COL11A2: variants seen among roughly 807,000 people sequenced by gnomAD.
The protein encoded by COL11A2 is collagen type XI alpha 2 chain.
Under a neutral mutation model 273.4 loss-of-function variants are expected in COL11A2, and 116 were observed. The ratio of observed to expected loss-of-function variants is 0.42; its 90% CI spans 0.36 to 0.49. The LOEUF is 0.49. Among genes scored for constraint, COL11A2 ranks in the 20% least tolerant of loss-of-function variants. The pLI is 0.00. For missense variants in COL11A2, 1,866 were observed against 2,309.0 expected, an observed-to-expected ratio of 0.81 and a Z score of 3.93; for synonymous variants, 782 against 864.2, an observed-to-expected ratio of 0.90 and a Z score of 1.67.
In COL11A2 at chr6:33,170,613, G is replaced by A. The variant is rs1286777013; in HGVS notation, c.3475-3C>T. ...TCCCCAGAGGGGCCTGGCAAACCCT[G>A]TGCAAGTATACAAAACATGGGCCCA... On this transcript the variant is annotated splice_polypyrimidine_tract_variant and splice_region_variant and intron_variant, in intron 46 of 65. Coordinates refer to ENST00000341947, the MANE Select transcript of COL11A2 (RefSeq NM_080680.3). This position sits in a 1 kb window ranked among gnomAD's most constrained non-coding sequence, Gnocchi z 4.3. 1.2e-6 allele frequency: 2 copies of A among 1,612,376 alleles called. No homozygotes were observed. Among genetic ancestry groups the A allele is most frequent in the African/African-American group, 1.3e-5 (1 of 74,816 alleles).
rs541262065 is a variant in COL11A2 at position 33,189,198 on chromosome 6, G to A, written c.233-10C>T. ...TCTTTGGGAAATCCTCCTAGTAACC[G>A]AGAGAGATACACACAGAGTGAGAGG... is the stretch of plus-strand genomic sequence containing the variant. On this transcript the variant is annotated splice_polypyrimidine_tract_variant and intron_variant, in intron 2 of 65. Transcript: ENST00000341947. The surrounding 1 kb of genome is among the most constrained non-coding windows in gnomAD (Gnocchi z 5.6). 11 of 1,613,476 alleles carry A rather than the reference G, an allele frequency of 6.8e-6. No homozygotes were observed. The highest frequency in any genetic ancestry group is 5.3e-5 in the African/African-American group (4 of 74,988).
At position 33,173,536 on chromosome 6, in the gene COL11A2, C is replaced by G. The variant is rs780696006; in HGVS notation, c.2648G>C (p.Gly883Ala). 7 of 1,608,004 alleles carry G rather than the reference C, an allele frequency of 4.4e-6. No homozygotes were observed. The highest frequency in any genetic ancestry group is 1.4e-5 in the African/African-American group (1 of 73,222). Reference protein sequence around the residue: ...PGERGLPGPQGPNGFPGPKGP... With the variant: ...PGERGLPGPQAPNGFPGPKGP... ...TTTCGGTCCAGGAAACCCGTTGGGA[C>G]CCTGAGGTCCAGGGAGGCCCTAGAG... The change falls in exon 36 of 66, where the codon GGT (glycine) becomes GCT (alanine). Residue 883 changes from glycine (G) to alanine (A), a missense_variant. Coordinates refer to ENST00000341947, the MANE Select transcript of COL11A2 (RefSeq NM_080680.3). This position sits in a 1 kb window ranked among gnomAD's most constrained non-coding sequence, Gnocchi z 6.3.
chr6:33,167,484 G>C lies in COL11A2; in HGVS notation c.4064C>G (p.Pro1355Arg), dbSNP rs1182240980. Residue 1355 changes from proline (P) to arginine (R), a missense_variant, in exon 56 of 66, where the codon CCT (proline) becomes CGT (arginine). Coordinates refer to ENST00000341947, the MANE Select transcript of COL11A2 (RefSeq NM_080680.3). This position sits in a 1 kb window ranked among gnomAD's most constrained non-coding sequence, Gnocchi z 6.1. ...GAPGKTGPVG[P>R]AGPAGKPGPD... is the part of the protein sequence containing the mutation. Reference sequence around the variant, plus strand: ...GCCAGGTTTCCCTGCTGGGCCTGCAGGACCCACCGGGCCTGTCTTCCCCGG... The same window carrying C: ...GCCAGGTTTCCCTGCTGGGCCTGCACGACCCACCGGGCCTGTCTTCCCCGG... 1 of 1,612,862 alleles carries C rather than the reference G, an allele frequency of 6.2e-7. No homozygotes were observed. Among genetic ancestry groups the C allele is most frequent in the Admixed American group, 1.7e-5 (1 of 60,032 alleles).
intron 40 of COL11A2, 62 bp downstream of exon 40, chr6:33,172,227 C>CGGGGGG: frequency 7.6e-7 from 1 of 1,314,852 alleles, no homozygotes; most frequent in East Asian, 2.5e-5. Flanking sequence ...GGGACAGGGT[C>CGGGGGG]GGGGTGGGGA....
At position 33,170,213 on chromosome 6, in the gene COL11A2, G is replaced by A. The variant is rs1349377397; in HGVS notation, c.3582+113C>T. The A allele has an allele frequency of 1.3e-5, 21 of 1,567,498 alleles. No homozygotes were observed. Among genetic ancestry groups the A allele is most frequent in the Admixed American group, 6.8e-5 (4 of 58,966 alleles). ...AGCAGTGAGGCAGTGGAGGCCTCCC[G>A]GGAGTAAGGGCTTCTCTTGGCCCCT... On this transcript the variant is annotated intron_variant, in intron 48 of 65. Transcript: ENST00000341947. The surrounding 1 kb of genome is among the most constrained non-coding windows in gnomAD (Gnocchi z 4.3).
chr6:33,179,101 G>C lies in COL11A2; in HGVS notation c.1583C>G (p.Thr528Arg), dbSNP rs1304419965. 1.2e-6 allele frequency: 2 copies of C among 1,613,746 alleles called. No homozygotes were observed. The highest frequency in any genetic ancestry group is 1.7e-6 in the Non-Finnish European group (2 of 1,179,806). ...TCGCCCAGCCTTGCCAGGAGGGCCT[G>C]TGAGGCCCTGAGGTCCTCTGGGGCC... ...PQGPRGPQGL[T>R]GPPGKAGRRG... Residue 528 changes from threonine (T) to arginine (R), a missense_variant, in exon 16 of 66, where the codon ACA (threonine) becomes AGA (arginine). Coordinates refer to ENST00000341947, the MANE Select transcript of COL11A2 (RefSeq NM_080680.3). This position sits in a 1 kb window ranked among gnomAD's most constrained non-coding sequence, Gnocchi z 6.4.
At chr6:33,185,885 G>A in intron 5 of COL11A2, 107 bp from the exon 6 acceptor site, 1 of 443,652 alleles carries the variant, frequency 2.3e-6, no homozygotes, top group Non-Finnish European at 4.6e-6. Context: ...GTTGGGAAAC[G>A]GGGGAGGTGT....
rs746215721 is a variant in COL11A2, at chr6:33,171,328, G to C, written c.3259-4C>G. On this transcript the variant is annotated splice_region_variant and splice_polypyrimidine_tract_variant and intron_variant, in intron 43 of 65. Transcript: ENST00000341947. Reference sequence around the variant, plus strand: ...GTCCGGGGTCCCCCACCTCACCCTGGGAGGAGAAGGCAGACAAGATATTAG... The same window carrying C: ...GTCCGGGGTCCCCCACCTCACCCTGCGAGGAGAAGGCAGACAAGATATTAG... The C allele has an allele frequency of 1.2e-6, 2 of 1,614,152 alleles. No individual in the cohort carries two copies. The highest frequency in any genetic ancestry group is 1.7e-6 in the Non-Finnish European group (2 of 1,179,984).
rs1370421978 is a variant in COL11A2 at position 33,174,228 on chromosome 6, A to G, written c.2431-10T>C. ...GAAATCCTAGGGACCCCTGGTGAGA[A>G]CGGAGAAGGGGGGAAATTGAGAAGT... On this transcript the variant is annotated splice_polypyrimidine_tract_variant and intron_variant, in intron 31 of 65. Transcript: ENST00000341947. The G allele has an allele frequency of 6.4e-7, 1 of 1,555,376 alleles. No individual in the cohort carries two copies. Among genetic ancestry groups the G allele is most frequent in the Admixed American group, 1.9e-5 (1 of 52,938 alleles).
Position 33,177,425 on chromosome 6 carries a change from G to T in COL11A2, c.1958C>A (p.Thr653Asn). The change falls in exon 23 of 66, where the codon ACC (threonine) becomes AAC (asparagine). Residue 653 changes from threonine to asparagine, a missense_variant. Coordinates refer to ENST00000341947, the MANE Select transcript of COL11A2 (RefSeq NM_080680.3). The surrounding 1 kb of genome is among the most constrained non-coding windows in gnomAD (Gnocchi z 5.9). The stretch of plus-strand genomic sequence containing the variant: ...GGCACCGCTCACCTGGGTCCCAGGG[G>T]TGCCCTGTTGTCCAGGAGGTCCTGG... ...GEPGPPGQQG[T>N]PGTQGLPGPQ... 1.2e-6 allele frequency: 2 copies of T among 1,612,936 alleles called. No individual in the cohort carries two copies. Among genetic ancestry groups the T allele is most frequent in the Non-Finnish European group, 1.7e-6 (2 of 1,179,958 alleles).
intron 54 of COL11A2, among the ~76,000 whole-genome samples, chr6:33,168,286 C>T (rs1769477961): frequency 6.6e-6 from 1 of 151,978 alleles, no homozygotes; most frequent in South Asian, 2.1e-4. Context: ...CACACACTCG[C>T]CCAGTGCAAT....
chr6:33,180,594 G>A, intron 11 of COL11A2, 74 bp downstream of exon 11: 1 of 1,380,848 alleles, frequency 7.2e-7, no homozygotes. Flanking sequence ...GAAATTACTG[G>A]GCATGGTAGC....
chr6:33,166,554 C>G lies in COL11A2; in HGVS notation c.4351G>C (p.Ala1451Pro). The G allele has an allele frequency of 6.2e-7, 1 of 1,613,858 alleles. No individual in the cohort carries two copies. The change falls in exon 60 of 66, where the codon GCA becomes CCA. Residue 1451 changes from alanine (A) to proline (P), a missense_variant. Transcript: ENST00000341947. This position sits in a 1 kb window ranked among gnomAD's most constrained non-coding sequence, Gnocchi z 4.8. The part of the protein sequence containing the change: ...GQKGEMGIPG[A>P]SGPIGPGGPP... ...CCTCCAGGACCAATGGGGCCGGATGCTCCTGGGATACCCTAGGAAGGGTAG... is the reference window on the plus strand; with the variant it reads ...CCTCCAGGACCAATGGGGCCGGATGGTCCTGGGATACCCTAGGAAGGGTAG...
chr6:33,169,536 A>G lies in COL11A2; in HGVS notation c.3691-46T>C, dbSNP rs776657546. 1.1e-5 allele frequency: 17 copies of G among 1,573,844 alleles called. No homozygotes were observed. The highest frequency in any genetic ancestry group is 1.1e-5 in the Non-Finnish European group (13 of 1,146,126). On this transcript the variant is annotated intron_variant, in intron 50 of 65. Transcript: ENST00000341947. The surrounding 1 kb of genome is among the most constrained non-coding windows in gnomAD (Gnocchi z 5.5). ...ACAGATGGCCCAGGGAATCTTGAAG[A>G]TCAGGGATGCAGCCTCTGCTTCCGA...
chr6:33,164,599 T>C lies in COL11A2; in HGVS notation c.4864-126A>G, dbSNP rs1420979057. The C allele has an allele frequency of 4.6e-6, 4 of 876,576 alleles. No individual in the cohort carries two copies. The East Asian group carries it at 8.0e-5, about 18-fold the overall frequency. The allele number at this position is 876,576 out of a possible 1,614,324, so 54.3% of individuals were successfully genotyped here. A position where few individuals can be genotyped will look rare whatever the true frequency, so the allele number is the denominator to read the frequency against. On this transcript the variant is annotated intron_variant, in intron 64 of 65. Transcript: ENST00000341947. This position sits in a 1 kb window ranked among gnomAD's most constrained non-coding sequence, Gnocchi z 4.7. ...CTGAGCCAGAGTCATGAGCAGGGAA[T>C]GGCTGGAAGGCAAGGGCTGGGAAAG...
intron 54 of COL11A2, among the ~76,000 whole-genome samples, chr6:33,168,166 A>T (rs1769455479): frequency 6.6e-6 from 1 of 152,010 alleles, no homozygotes; most frequent in South Asian, 2.1e-4. Context: ...TCCAGTTTCC[A>T]TTCTGCTTTG....
chr6:33,169,055 C>A lies in COL11A2; in HGVS notation c.3799-47G>T. ...AGTCAGGGTCACAGCTCCCTAAGCC[C>A]ACCCAGCACAGACGCCCACAGGCAC... On this transcript the variant is annotated intron_variant, in intron 51 of 65. Transcript: ENST00000341947. The surrounding 1 kb of genome is among the most constrained non-coding windows in gnomAD (Gnocchi z 5.5). The A allele has an allele frequency of 6.4e-7, 1 of 1,553,230 alleles. No individual in the cohort carries two copies. Among genetic ancestry groups the A allele is most frequent in the Non-Finnish European group, 8.7e-7 (1 of 1,148,008 alleles).
chr6:33,188,812 C>T (rs1436321885), intron 3 of COL11A2, among the ~76,000 whole-genome samples, 166 bp downstream of exon 3: 1 of 152,218 alleles, frequency 6.6e-6, no homozygotes, highest in Non-Finnish European at 1.5e-5. Flanking sequence ...AGGCTGTACA[C>T]TCTAAAGCCC....
intron 29 of COL11A2, 71 bp downstream of exon 29, chr6:33,175,945 G>A (rs771733203): frequency 7.4e-5 from 116 of 1,557,372 alleles, no homozygotes; most frequent in Middle Eastern, 1.7e-4. Flanking sequence ...AGAATAAACC[G>A]GTGCTTGGCG....
Sources: allele counts gnomAD v4.1 joint callset (sites outside exome capture counted in the v4.1 genomes callset), GRCh38; gene constraint gnomAD v4.1.1; non-coding constraint Gnocchi (gnomAD v3.1); transcripts MANE v1.5; gene names NCBI Gene and HGNC (gene_info 2026-07-23, HGNC 2026-07-21).